Variants in GYG2 observed in about 807,000 individuals in gnomAD.
GYG2 encodes the protein glycogenin-2.
A neutral mutation model predicts 29.4 loss-of-function variants in GYG2; 29 were observed. The observed-to-expected ratio is 0.99, with a 90% CI of 0.74 to 1.35. The LOEUF is 1.35. Among genes scored for constraint, GYG2 ranks in the 40% most tolerant of loss-of-function variants. The pLI is 0.00. For synonymous variants in GYG2, 167 were observed against 172.3 expected, an observed-to-expected ratio of 0.97 and a Z score of 0.24; for missense variants, 370 against 385.7, an observed-to-expected ratio of 0.96 and a Z score of 0.34.
At chrX:2,843,551 T>G (rs1473025607) in intron 3 of GYG2, among the ~76,000 whole-genome samples, 197 bp downstream of exon 3, 1 of 112,398 alleles carries the variant, frequency 8.9e-6, no homozygotes. Flanking sequence ...GTGATCGGCT[T>G]CACAATACTT....
chrX:2,834,681 G>A (rs1474468654), intron 2 of GYG2, among the ~76,000 whole-genome samples: 2 of 111,952 alleles, frequency 1.8e-5, no homozygotes, highest in African/African-American at 6.5e-5. Context: ...CTGAGAGCAC[G>A]TCATTAGGCC....
chrX:2,845,845 T>C (rs2147170224), intron 3 of GYG2, among the ~76,000 whole-genome samples: 1 of 101,510 alleles, frequency 9.9e-6, no homozygotes, highest in South Asian at 4.3e-4. Flanking sequence ...ATAAAATATA[T>C]ATATTTGAAC....
At chrX:2,880,795 T>C (rs994146881) in intron 10 of GYG2, among the ~76,000 whole-genome samples, 8 of 111,046 alleles carry the variant, frequency 7.2e-5, no homozygotes, top group Non-Finnish European at 1.5e-4. Flanking sequence ...TAGTCCCAGC[T>C]ACTGAGGAGG....
chrX:2,854,740 C>A (rs975460288), intron 4 of GYG2, among the ~76,000 whole-genome samples: 5 of 111,467 alleles, frequency 4.5e-5, no homozygotes, highest in African/African-American at 1.6e-4. Context: ...TTGAGACCAG[C>A]CTGGCCAACA....
At chrX:2,845,645 G>A (rs1343391631) in intron 3 of GYG2, among the ~76,000 whole-genome samples, 1 of 104,630 alleles carries the variant, frequency 9.6e-6, no homozygotes, top group African/African-American at 3.5e-5. Context: ...ATTTATATAC[G>A]CATGTGTATG....
At chrX:2,861,192 C>G (rs1456297249) in intron 7 of GYG2, among the ~76,000 whole-genome samples, 1 of 111,446 alleles carries the variant, frequency 9.0e-6, no homozygotes, top group Non-Finnish European at 1.9e-5. Flanking sequence ...ATTTCTCTCA[C>G]CGAGTGACAC....
chrX:2,848,547 G>GAAAA (rs10689220), intron 3 of GYG2, among the ~76,000 whole-genome samples: 1 of 99,243 alleles, frequency 1.0e-5, no homozygotes, highest in African/African-American at 3.7e-5. Context: ...AAAAAGAAGG[G>GAAAA]AAAAAAAAAA....
chrX:2,871,689 CAAATAAATAAATAAATAAATAAAT>C (rs200105400), intron 8 of GYG2, among the ~76,000 whole-genome samples: 176 of 99,997 alleles, frequency 1.8e-3, no homozygotes, highest in African/African-American at 4.4e-3. Flanking sequence ...GACTCCGTCT[CAAATAAATAAATAAATAAATAAAT>C]AAATAAATAA....
intron 10 of GYG2, among the ~76,000 whole-genome samples, chrX:2,878,501 C>T (rs1475050156): frequency 9.0e-6 from 1 of 111,196 alleles, no homozygotes; most frequent in African/African-American, 3.3e-5. Flanking sequence ...AACACCTGGC[C>T]TCAAGTGATC....
intron 3 of GYG2, among the ~76,000 whole-genome samples, chrX:2,845,176 C>T (rs2087659876): frequency 1 from 4 of 4 alleles, 2 homozygotes; most frequent in Non-Finnish European, 1. Context: ...TATTTATATA[C>T]ACGTGTGTAT....
At chrX:2,848,737 C>T (rs2087803321) in intron 3 of GYG2, among the ~76,000 whole-genome samples, 1 of 111,424 alleles carries the variant, frequency 9.0e-6, no homozygotes, top group Admixed American at 9.6e-5. Flanking sequence ...GGGATGGATA[C>T]TGCATTTTCC....
chrX:2,842,816 AT>A lies in GYG2; in HGVS notation c.8-381del, dbSNP rs397823825. On this transcript the variant is annotated intron_variant, in intron 2 of 10. Transcript: ENST00000398806. ...TACTGAATATTCACTGCAAGTCGTG[AT>A]TTTTTTTTTTTTTTTGAGACAGGGT... Among the ~76,000 whole-genome samples the A allele has an allele frequency of 7.2e-3, 678 of 94,287 alleles. 3 individuals carry two copies. The highest frequency in any genetic ancestry group is 0.011 in the Middle Eastern group (2 of 183). The allele number at this position is 94,287 out of a possible 115,157, so 81.9% of individuals were successfully genotyped here.
chrX:2,866,024 A>G (rs909141626), intron 8 of GYG2, among the ~76,000 whole-genome samples: 2 of 112,396 alleles, frequency 1.8e-5, no homozygotes, highest in Non-Finnish European at 3.8e-5. Flanking sequence ...AGAAAATGCC[A>G]TGTATAGATA....
chrX:2,846,053 A>ATTT (rs2087722062), intron 3 of GYG2, among the ~76,000 whole-genome samples: 3 of 29,969 alleles, frequency 1.0e-4, no homozygotes, highest in African/African-American at 3.9e-4. Flanking sequence ...ATATATATAT[A>ATTT]TATTTTTTTT....
At chrX:2,835,464 C>T (rs938075832) in intron 2 of GYG2, among the ~76,000 whole-genome samples, 1 of 112,146 alleles carries the variant, frequency 8.9e-6, no homozygotes, top group African/African-American at 3.2e-5. Flanking sequence ...TTTAGGTTTA[C>T]AGACCTTATT....
chrX:2,868,229 C>T (rs934217375), intron 8 of GYG2, among the ~76,000 whole-genome samples: 48 of 109,964 alleles, frequency 4.4e-4, no homozygotes, highest in African/African-American at 1.6e-3. Flanking sequence ...TATTTTGGGC[C>T]GGGCACGGTG....
At chrX:2,867,264 C>T (rs1359243293) in intron 8 of GYG2, among the ~76,000 whole-genome samples, 1 of 97,879 alleles carries the variant, frequency 1.0e-5, no homozygotes, top group African/African-American at 3.5e-5. Context: ...TCACCCCTCC[C>T]TCCACCCCAC....
chrX:2,868,381 C>T (rs1016701021), intron 8 of GYG2, among the ~76,000 whole-genome samples: 6 of 96,190 alleles, frequency 6.2e-5, no homozygotes, highest in African/African-American at 1.6e-4. Context: ...CGCTTGAACC[C>T]GGGAGGTGGA....
Position 2,855,022 on chromosome X carries a change from C to T in GYG2, c.354C>T (p.Asp118=). The T allele has an allele frequency of 8.3e-7, 1 of 1,211,458 alleles. No individual in the cohort carries two copies. Among genetic ancestry groups the T allele is most frequent in the South Asian group, 1.8e-5 (1 of 56,938 alleles). ...LVLSNVDELF[D]RGEFSAAPDP... ...TGTCCAATGTCGATGAGCTGTTTGA[C>T]AGGGGAGAGTTTTCTGCGGCCCCGG... The change falls in exon 5 of 11, where the codon GAC becomes GAT. Residue 118 remains aspartate, a synonymous_variant. Coordinates refer to ENST00000398806, the MANE Select transcript of GYG2 (RefSeq NM_001079855.2).
Sources: gnomAD v4.1 joint callset for allele counts (sites outside exome capture counted in the v4.1 genomes callset) on GRCh38, gnomAD v4.1.1 for gene constraint, MANE v1.5 for transcripts, NCBI Gene and HGNC (gene_info 2026-07-23, HGNC 2026-07-21) for gene names.